RFX2: variants seen among roughly 807,000 people sequenced by gnomAD.
The protein encoded by RFX2 is regulatory factor X2, also known as DNA-binding protein RFX2.
Under a neutral mutation model 87.8 loss-of-function variants are expected in RFX2, and 20 were observed. That is an observed-to-expected ratio of 0.23 (90% CI 0.16 to 0.33). The LOEUF (loss-of-function observed/expected upper bound fraction) is 0.33, where lower values mean the gene tolerates loss of function less well. Ranked by LOEUF, RFX2 falls within the 10% of genes least tolerant of loss-of-function variation. RFX2 has a pLI of 1.00. For missense variants in RFX2, 767 were observed against 1,012.3 expected (o/e 0.76, Z 3.29); for synonymous variants, 397 against 431.3 (o/e 0.92, Z 0.98).
At chr19:6,037,216 G>A (rs186804691) in intron 5 of RFX2, among the ~76,000 whole-genome samples, 3 of 151,574 alleles carry the variant, frequency 2.0e-5, no homozygotes, top group Non-Finnish European at 4.4e-5. Context: ...CCTGGGAGGC[G>A]GAGCTTGCAG....
chr19:6,073,109 A>T (rs2087632802), intron 1 of RFX2: 1 of 445,654 alleles, frequency 2.2e-6, no homozygotes, highest in Non-Finnish European at 4.1e-6. Context: ...CCTCCAGAGT[A>T]GCTGGGATTA....
Position 6,046,594 on chromosome 19 carries a change from T to C in RFX2, c.90+813A>G, listed in dbSNP as rs1380479324. ...AAAAAAAAAATTCTAACTCATCTTT[T>C]GCCTTTTTGCCTTTTTTTTTTTTTT... is the stretch of plus-strand genomic sequence containing the variant. On this transcript the variant is annotated intron_variant, in intron 2 of 17. Coordinates refer to ENST00000303657, the MANE Select transcript of RFX2 (RefSeq NM_000635.4). Among the ~76,000 whole-genome samples, 8 of 146,978 alleles carry C rather than the reference T, an allele frequency of 5.4e-5. 1 individual carries two copies. The highest frequency in any genetic ancestry group is 1.4e-4 in the Admixed American group (2 of 14,688).
At chr19:6,018,996 T>G in intron 6 of RFX2, among the ~76,000 whole-genome samples, 1 of 152,146 alleles carries the variant, frequency 6.6e-6, no homozygotes, top group Non-Finnish European at 1.5e-5. Flanking sequence ...CTCGCCCTCT[T>G]GCTACCACAA....
intron 15 of RFX2, among the ~76,000 whole-genome samples, chr19:6,000,962 AACTCCTTGACAGAACTGCAGG>A (rs1454642924): frequency 6.6e-6 from 1 of 152,194 alleles, no homozygotes; most frequent in Non-Finnish European, 1.5e-5. Context: ...GGGAGACTAA[AACTCCTTGACAGAACTGCAGG>A]AGGCATCTTG....
chr19:6,053,955 C>CA (rs553721219), intron 1 of RFX2, among the ~76,000 whole-genome samples: 8,330 of 47,132 alleles, frequency 0.18, 691 homozygotes, highest in East Asian at 0.33. Flanking sequence ...GACTCTATCT[C>CA]AAAAAAAAAA....
intron 3 of RFX2, among the ~76,000 whole-genome samples, chr19:6,043,051 C>T (rs73541921): frequency 0.019 from 2,911 of 152,300 alleles, 108 homozygotes; most frequent in African/African-American, 0.067. Flanking sequence ...ACTTGTCCAA[C>T]GCACCACCCC....
At chr19:6,073,906 T>C (rs952784909) in intron 1 of RFX2, among the ~76,000 whole-genome samples, 1 of 152,176 alleles carries the variant, frequency 6.6e-6, no homozygotes, top group Non-Finnish European at 1.5e-5. Context: ...AGAGGGTGAA[T>C]GCACCAATAA....
rs144743787 is a variant in RFX2 at position 6,032,900 on chromosome 19, C to T, written c.523-6663G>A. On this transcript the variant is annotated intron_variant, in intron 5 of 17. Coordinates refer to ENST00000303657, the MANE Select transcript of RFX2 (RefSeq NM_000635.4). ...ACCTCCTGGGCTCAGGCCATCCTCC[C>T]ACCTCAGTCTCCCAAGTAGCTGAAC... Among the ~76,000 whole-genome samples, 282 of 152,352 alleles carry T rather than the reference C, an allele frequency of 1.9e-3. 9 individuals are homozygous for T. In the East Asian group the frequency reaches 0.043, roughly 23 times the overall value.
chr19:6,017,508 T>C lies in RFX2; in HGVS notation c.598-1237A>G, dbSNP rs545413983. The stretch of plus-strand genomic sequence containing the variant: ...GGTCTGCTATGTGAATACAAAAGGC[T>C]TGCACTGATGCCTGCGATTTGCAGA... On this transcript the variant is annotated intron_variant, in intron 6 of 17. Transcript: ENST00000303657. The surrounding 1 kb of genome is among the most constrained non-coding windows in gnomAD (Gnocchi z 4.1). 2.0e-5 allele frequency among the ~76,000 whole-genome samples: 3 copies of C among 152,356 alleles called. No individual in the cohort carries two copies. The East Asian group carries it at 5.8e-4, about 29-fold the overall frequency.
At position 6,083,998 on chromosome 19, in the gene RFX2, C is replaced by G. The variant is rs1348843993; in HGVS notation, c.-9+26395G>C. Among the ~76,000 whole-genome samples, 2 of 152,152 alleles carry G rather than the reference C, an allele frequency of 1.3e-5. No individual in the cohort carries two copies. The highest frequency in any genetic ancestry group is 4.8e-5 in the African/African-American group (2 of 41,416). Reference sequence around the variant, plus strand: ...GATGAGCACACGTGTCCAGGGCACCCCAGACCTCTTGGGCAGGGAGAATTC... The same window carrying G: ...GATGAGCACACGTGTCCAGGGCACCGCAGACCTCTTGGGCAGGGAGAATTC... On this transcript the variant is annotated intron_variant, in intron 1 of 17. Coordinates refer to ENST00000303657, the MANE Select transcript of RFX2 (RefSeq NM_000635.4). This position sits in a 1 kb window ranked among gnomAD's most constrained non-coding sequence, Gnocchi z 4.6.
chr19:6,059,686 A>G (rs1044830519), intron 1 of RFX2, among the ~76,000 whole-genome samples: 18 of 151,924 alleles, frequency 1.2e-4, no homozygotes, highest in African/African-American at 4.4e-4. Flanking sequence ...GCATGTATAC[A>G]CTCCCCACGT....
At position 6,044,041 on chromosome 19, in the gene RFX2, C is replaced by T. The variant is rs2087150425; in HGVS notation, c.180+152G>A. 3 of 418,056 alleles carry T rather than the reference C, an allele frequency of 7.2e-6. No homozygotes were observed. The highest frequency in any genetic ancestry group is 2.5e-4 in the South Asian group (2 of 7,898). The allele number at this position is 418,056 out of a possible 1,614,324, so 25.9% of individuals were successfully genotyped here. A position where few individuals can be genotyped will look rare whatever the true frequency, so the allele number is the denominator to read the frequency against. On this transcript the variant is annotated intron_variant, in intron 3 of 17. Coordinates refer to ENST00000303657, the MANE Select transcript of RFX2 (RefSeq NM_000635.4). The surrounding 1 kb of genome is among the most constrained non-coding windows in gnomAD (Gnocchi z 5.3). Reference sequence around the variant, plus strand: ...GCAGTAAATGATTTTTTTAAAATTGCACAGCTTCTGGAAAAGTCTTTTGGC... The same window carrying T: ...GCAGTAAATGATTTTTTTAAAATTGTACAGCTTCTGGAAAAGTCTTTTGGC...
At chr19:6,006,291 G>A (rs921429352) in intron 12 of RFX2, among the ~76,000 whole-genome samples, 15 of 151,844 alleles carry the variant, frequency 9.9e-5, no homozygotes, top group African/African-American at 3.4e-4. Flanking sequence ...CTCCTGGGTC[G>A]CTGGACTGCA....
At chr19:6,087,356 T>G (rs2087868835) in intron 1 of RFX2, among the ~76,000 whole-genome samples, 1 of 152,164 alleles carries the variant, frequency 6.6e-6, no homozygotes, top group African/African-American at 2.4e-5. Flanking sequence ...GGCTCTGCTT[T>G]CAAAGAACAC....
rs146095442 is a variant in RFX2 at position 5,994,841 on chromosome 19, G to T, written c.2166C>A (p.Gly722=). 9 of 1,606,150 alleles carry T rather than the reference G, an allele frequency of 5.6e-6. No homozygotes were observed. Among genetic ancestry groups the T allele is most frequent in the African/African-American group, 1.3e-5 (1 of 74,864 alleles). ...GAGGCGCCGGCCGGGGCTGCTAGATGCCCTGCAGGGAGTGGTTGGGGTCAC... is the reference window on the plus strand; with the variant it reads ...GAGGCGCCGGCCGGGGCTGCTAGATTCCCTGCAGGGAGTGGTTGGGGTCAC... ...ERSDPNHSLQ[G]I is the part of the protein sequence containing the mutation. Residue 722 remains glycine (G), a synonymous_variant, in exon 18 of 18, where the codon GGC becomes GGA. Coordinates refer to ENST00000303657, the MANE Select transcript of RFX2 (RefSeq NM_000635.4).
At chr19:6,084,414 T>C (rs2087827671) in intron 1 of RFX2, among the ~76,000 whole-genome samples, 1 of 152,158 alleles carries the variant, frequency 6.6e-6, no homozygotes, top group African/African-American at 2.4e-5. Context: ...TACAGTTCAG[T>C]AGCATTAAGC....
intron 12 of RFX2, among the ~76,000 whole-genome samples, chr19:6,005,168 A>G (rs1207080333): frequency 1.3e-5 from 2 of 152,214 alleles, no homozygotes; most frequent in East Asian, 3.9e-4. Context: ...AACTCCCACC[A>G]TAACATAGAA....
rs1453050716 is a variant in RFX2, at chr19:6,061,563, T to A, written c.-8-14059A>T. Among the ~76,000 whole-genome samples, 4 of 152,164 alleles carry A rather than the reference T, an allele frequency of 2.6e-5. No individual in the cohort carries two copies. The highest frequency in any genetic ancestry group is 9.7e-5 in the African/African-American group (4 of 41,448). ...AGAATGCATCCAAAGAAACGGAACA[T>A]TTGGTTCCCTTCCTACTCCCGGCCC... On this transcript the variant is annotated intron_variant, in intron 1 of 17. Transcript: ENST00000303657. This position sits in a 1 kb window ranked among gnomAD's most constrained non-coding sequence, Gnocchi z 5.2.
At chr19:6,003,671 C>T (rs969504189) in intron 13 of RFX2, among the ~76,000 whole-genome samples, 9 of 146,946 alleles carry the variant, frequency 6.1e-5, no homozygotes, top group Non-Finnish European at 1.2e-4. Flanking sequence ...CCCAGCTATT[C>T]GGGAGGCTGA....
Sources: gnomAD v4.1 joint callset for allele counts (sites outside exome capture counted in the v4.1 genomes callset) on GRCh38, gnomAD v4.1.1 for gene constraint, Gnocchi (gnomAD v3.1) non-coding constraint, MANE v1.5 for transcripts, NCBI Gene and HGNC (gene_info 2026-07-23, HGNC 2026-07-21) for gene names.